MPP7: variants seen among roughly 807,000 people sequenced by gnomAD.
MPP7 encodes MAGUK p55 scaffold protein 7.
In MPP7, 60 loss-of-function variants were observed where a neutral mutation model predicts 76.5. That is an observed-to-expected ratio of 0.78 (90% CI 0.64 to 0.97). The LOEUF (loss-of-function observed/expected upper bound fraction) is 0.97, where lower values mean the gene tolerates loss of function less well. MPP7 is among the 50% of genes least tolerant of loss of function. The pLI is 0.00. For missense variants in MPP7, 641 were observed against 694.0 expected, an observed-to-expected ratio of 0.92 and a Z score of 0.86; for synonymous variants, 237 against 244.5, an observed-to-expected ratio of 0.97 and a Z score of 0.29.
intron 1 of MPP7, among the ~76,000 whole-genome samples, chr10:28,267,039 T>G (rs997975812): frequency 6.6e-6 from 1 of 152,250 alleles, no homozygotes; most frequent in African/African-American, 2.4e-5. Context: ...TGCCATCTGT[T>G]CTGCCATATG....
At chr10:28,146,891 G>A (rs1226787113) in intron 5 of MPP7, among the ~76,000 whole-genome samples, 3 of 152,132 alleles carry the variant, frequency 2.0e-5, no homozygotes, top group African/African-American at 7.2e-5. Flanking sequence ...ATTCTGAAAT[G>A]CCTGCTGTAA....
intron 1 of MPP7, among the ~76,000 whole-genome samples, chr10:28,260,741 CA>C (rs1839921374): frequency 7.7e-6 from 1 of 129,880 alleles, no homozygotes; most frequent in Admixed American, 9.1e-5. Flanking sequence ...TGCTGCACTC[CA>C]GCTTGGGTAA....
At chr10:28,243,332 G>A (rs977494342) in intron 1 of MPP7, among the ~76,000 whole-genome samples, 4 of 151,994 alleles carry the variant, frequency 2.6e-5, no homozygotes, top group African/African-American at 9.7e-5. Context: ...ACTTTGCACT[G>A]GTTCTATCAG....
chr10:28,325,532 C>A (rs373560267), intron 2 of MPP7, among the ~76,000 whole-genome samples: 13 of 151,708 alleles, frequency 8.6e-5, no homozygotes, highest in Admixed American at 4.6e-4. Context: ...CTTGCTCTGT[C>A]GCCCAGGCTG....
chr10:28,326,290 G>A (rs984495821), intron 2 of MPP7, among the ~76,000 whole-genome samples: 2 of 152,206 alleles, frequency 1.3e-5, no homozygotes, highest in Non-Finnish European at 2.9e-5. Context: ...CAATCAGTGT[G>A]GCAGAATAAA....
intron 11 of MPP7, among the ~76,000 whole-genome samples, chr10:28,107,781 C>T (rs77400187): frequency 0.014 from 2,098 of 152,234 alleles, 18 homozygotes; most frequent in Non-Finnish European, 0.019. Flanking sequence ...AACAGATCCA[C>T]CAAGCTGACC....
chr10:28,097,641 A>T (rs1853630363), intron 11 of MPP7, among the ~76,000 whole-genome samples: 1 of 152,202 alleles, frequency 6.6e-6, no homozygotes, highest in Non-Finnish European at 1.5e-5. Context: ...TTTCTATTAC[A>T]TTATGTTAGG....
At chr10:28,272,936 G>C (rs1840373244) in intron 1 of MPP7, among the ~76,000 whole-genome samples, 1 of 151,944 alleles carries the variant, frequency 6.6e-6, no homozygotes. Flanking sequence ...GTTTGTTTTT[G>C]AGATGGAGTC....
intron 2 of MPP7, among the ~76,000 whole-genome samples, chr10:28,316,565 A>G (rs1042109902): frequency 6.6e-6 from 1 of 151,312 alleles, no homozygotes; most frequent in African/African-American, 2.4e-5. Context: ...CCACAGCAAT[A>G]TGTTTATAGT....
intron 11 of MPP7, among the ~76,000 whole-genome samples, chr10:28,099,530 T>C (rs145261344): frequency 0.012 from 1,839 of 152,226 alleles, 53 homozygotes; most frequent in East Asian, 0.12. Context: ...TTAGGCCGGG[T>C]GTGGTGGCTC....
At chr10:28,238,171 G>GA (rs1011451592) in intron 2 of MPP7, among the ~76,000 whole-genome samples, 21 of 146,112 alleles carry the variant, frequency 1.4e-4, no homozygotes, top group South Asian at 2.2e-4. Context: ...ATTTCTTAAA[G>GA]AAAAAAAAAA....
intron 1 of MPP7, among the ~76,000 whole-genome samples, chr10:28,292,332 C>T (rs536984596): frequency 3.8e-4 from 58 of 152,134 alleles, no homozygotes; most frequent in African/African-American, 1.3e-3. Context: ...ATGTAGGATT[C>T]CCCTACACCA....
chr10:28,221,186 G>A (rs908636321), intron 2 of MPP7, among the ~76,000 whole-genome samples: 2 of 151,984 alleles, frequency 1.3e-5, no homozygotes, highest in African/African-American at 4.8e-5. Flanking sequence ...GAAAAATAAA[G>A]TAATCTAAGC....
Position 28,124,993 on chromosome 10 carries a change from A to ACAGACTTGT in MPP7, c.529+16_529+17insACAAGTCTG, listed in dbSNP as rs756109672. On this transcript the variant is annotated intron_variant, in intron 7 of 16. Coordinates refer to ENST00000683449, the MANE Select transcript of MPP7 (RefSeq NM_001318170.2). ...ACACGTGATTAGTCTGTACTTGGTT[A>ACAGACTTGT]ACATTTAAAGTCTCACCACTTCTAT... 21 of 1,608,594 alleles carry ACAGACTTGT rather than the reference A, an allele frequency of 1.3e-5. No homozygotes were observed. In the African/African-American group the frequency reaches 2.7e-4, roughly 20 times the overall value.
chr10:28,056,929 C>T (rs1174895454), intron 15 of MPP7, among the ~76,000 whole-genome samples: 1 of 152,140 alleles, frequency 6.6e-6, no homozygotes, highest in Non-Finnish European at 1.5e-5. Flanking sequence ...AGTTAAATAA[C>T]TTTCTGTCCA....
In MPP7 at chr10:28,089,713, G is replaced by A. The variant is rs748565017; in HGVS notation, c.1081C>T (p.Arg361Trp). ...VPTYEEVTPY[R>W]RQTNEKYRLV... is the part of the protein sequence containing the mutation. ...CTGTATTTTTCATTAGTTTGTCGCC[G>A]ATACGGTGTCACTTCTTCGTATGTG... is the stretch of plus-strand genomic sequence containing the variant. The change falls in exon 12 of 17, where the codon CGG (arginine) becomes TGG (tryptophan). Residue 361 changes from arginine to tryptophan, a missense_variant. Arg to Trp is a moderately radical substitution (Grantham distance 101). Transcript: ENST00000683449. The A allele has an allele frequency of 3.7e-6, 6 of 1,613,582 alleles. No homozygotes were observed. In the Admixed American group the frequency reaches 5.0e-5, roughly 13 times the overall value.
chr10:28,280,605 C>A (rs1185990105), intron 1 of MPP7, among the ~76,000 whole-genome samples: 1 of 151,952 alleles, frequency 6.6e-6, no homozygotes, highest in Admixed American at 6.6e-5. Flanking sequence ...TTTAACAGGG[C>A]TTAGGCATAA....
chr10:28,171,071 C>T (rs16928573), intron 3 of MPP7, among the ~76,000 whole-genome samples: 20,491 of 152,172 alleles, frequency 0.13, 2,072 homozygotes, highest in African/African-American at 0.28. Context: ...AAATGTCACA[C>T]TACATCCAAA....
intron 2 of MPP7, among the ~76,000 whole-genome samples, chr10:28,207,442 A>G: frequency 6.6e-6 from 1 of 152,138 alleles, no homozygotes; most frequent in Non-Finnish European, 1.5e-5. Flanking sequence ...CACTCCTCTC[A>G]GCACTTTGGG....
Sources: allele counts gnomAD v4.1 joint callset (sites outside exome capture counted in the v4.1 genomes callset), GRCh38; gene constraint gnomAD v4.1.1; transcripts MANE v1.5; gene names NCBI Gene and HGNC (gene_info 2026-07-23, HGNC 2026-07-21).